The following ATRX variants were observed in gnomAD, a reference collection of about 807,000 sequenced individuals.
The protein encoded by ATRX is chromatin remodeler ATRX.
Under a neutral mutation model 172.6 loss-of-function variants are expected in ATRX, and 12 were observed. The ratio of observed to expected loss-of-function variants is 0.07; its 90% CI spans 0.04 to 0.11. ATRX has a LOEUF of 0.11. ATRX is among the 10% of genes least tolerant of loss of function. ATRX has a pLI of 1.00. For synonymous variants in ATRX, 674 were observed against 594.7 expected (o/e 1.13, Z -1.94); for missense variants, 1,368 against 1,767.4 (o/e 0.77, Z 4.05).
chrX:77,695,439 G>A (rs2072135171), intron 5 of ATRX, among the ~76,000 whole-genome samples: 1 of 111,008 alleles, frequency 9.0e-6, no homozygotes, highest in African/African-American at 3.3e-5. Context: ...ATCATATGCT[G>A]ACTTTCTTCC....
chrX:77,666,859 G>GA (rs1206506784), intron 10 of ATRX, among the ~76,000 whole-genome samples: 1 of 106,177 alleles, frequency 9.4e-6, no homozygotes, highest in Admixed American at 1.0e-4. Context: ...TGTCTCAAAA[G>GA]AAAAAAAAAA....
intron 22 of ATRX, among the ~76,000 whole-genome samples, chrX:77,611,682 C>A (rs2067158685): frequency 9.1e-6 from 1 of 110,430 alleles, no homozygotes; most frequent in East Asian, 2.8e-4. Context: ...CATAGCAAGA[C>A]CCCATCTCTC....
chrX:77,714,199 G>A (rs2073252104), intron 2 of ATRX, among the ~76,000 whole-genome samples: 1 of 110,729 alleles, frequency 9.0e-6, no homozygotes, highest in African/African-American at 3.3e-5. Flanking sequence ...ACCTCTAACC[G>A]ATTATCATAA....
At chrX:77,641,335 T>C (rs1345995135) in intron 15 of ATRX, among the ~76,000 whole-genome samples, 1 of 110,808 alleles carries the variant, frequency 9.0e-6, no homozygotes, top group African/African-American at 3.3e-5. Flanking sequence ...CCCAGCACTT[T>C]GGGAGGCAGA....
intron 27 of ATRX, among the ~76,000 whole-genome samples, chrX:77,583,517 G>A (rs1557075217): frequency 1.8e-5 from 2 of 108,346 alleles, no homozygotes; most frequent in African/African-American, 6.7e-5. Context: ...GAGTGAGACC[G>A]TCTCAAAAAA....
chrX:77,637,221 A>G (rs1337074901), intron 15 of ATRX, among the ~76,000 whole-genome samples: 1 of 112,372 alleles, frequency 8.9e-6, no homozygotes, highest in South Asian at 3.7e-4. Context: ...AGGCTCAAAA[A>G]TCATGATAGG....
At chrX:77,631,710 A>C (rs2068114357) in intron 19 of ATRX, among the ~76,000 whole-genome samples, 1 of 112,222 alleles carries the variant, frequency 8.9e-6, no homozygotes, top group African/African-American at 3.2e-5. Context: ...GACTGATGAG[A>C]TAATGAAAAA....
At chrX:77,528,847 A>T (rs1452622005) in intron 30 of ATRX, among the ~76,000 whole-genome samples, 2 of 112,178 alleles carry the variant, frequency 1.8e-5, no homozygotes, top group African/African-American at 6.5e-5. Flanking sequence ...TCAGAAGGTG[A>T]GTAATAACAA....
chrX:77,512,149 C>T (rs889906322), intron 34 of ATRX, among the ~76,000 whole-genome samples: 3 of 111,784 alleles, frequency 2.7e-5, no homozygotes, highest in Admixed American at 9.4e-5. Context: ...AGAAAACTTA[C>T]AGCCCAGGAG....
At chrX:77,527,138 C>T (rs1207126415) in intron 30 of ATRX, among the ~76,000 whole-genome samples, 1 of 112,057 alleles carries the variant, frequency 8.9e-6, no homozygotes, top group East Asian at 2.8e-4. Context: ...ACTACCAGTA[C>T]CATTTTTTAT....
At chrX:77,608,156 C>T (rs1289154926) in intron 22 of ATRX, among the ~76,000 whole-genome samples, 3 of 109,286 alleles carry the variant, frequency 2.7e-5, no homozygotes, top group Non-Finnish European at 5.7e-5. Flanking sequence ...CCGAGGCAGG[C>T]GGATCATGAG....
At chrX:77,637,970 CA>C (rs1486767528) in intron 15 of ATRX, among the ~76,000 whole-genome samples, 4 of 76,130 alleles carry the variant, frequency 5.3e-5, no homozygotes, top group Non-Finnish European at 8.0e-5. Context: ...CACAAACAAA[CA>C]AAAAAAACTT....
At chrX:77,701,697 G>A (rs1450840318) in intron 2 of ATRX, among the ~76,000 whole-genome samples, 6 of 110,446 alleles carry the variant, frequency 5.4e-5, no homozygotes, top group African/African-American at 2.0e-4. Context: ...TTTGCACTAC[G>A]GATTCTACTC....
At chrX:77,616,587 T>C (rs1172807090) in intron 22 of ATRX, 26 bp downstream of exon 22, 3 of 1,153,062 alleles carry the variant, frequency 2.6e-6, no homozygotes, top group Admixed American at 2.2e-5. Flanking sequence ...ATAGAGAAGA[T>C]GAAATCAACA....
intron 15 of ATRX, among the ~76,000 whole-genome samples, chrX:77,644,397 C>A (rs2068805904): frequency 1.8e-5 from 2 of 111,986 alleles, no homozygotes; most frequent in Admixed American, 1.9e-4. Flanking sequence ...TTTAAAATCC[C>A]AGCAAACCCT....
At chrX:77,564,578 G>T (rs1354324207) in intron 28 of ATRX, among the ~76,000 whole-genome samples, 2 of 109,863 alleles carry the variant, frequency 1.8e-5, no homozygotes, top group Admixed American at 9.7e-5. Context: ...TGGAGATAGG[G>T]TCTCACTATG....
chrX:77,598,933 T>G (rs2066564420), intron 25 of ATRX, among the ~76,000 whole-genome samples: 1 of 112,238 alleles, frequency 8.9e-6, no homozygotes, highest in South Asian at 3.7e-4. Context: ...AAAATTAGTT[T>G]TACTGTATAT....
intron 19 of ATRX, among the ~76,000 whole-genome samples, chrX:77,629,982 G>A (rs1163007443): frequency 1.8e-5 from 2 of 112,296 alleles, no homozygotes; most frequent in East Asian, 5.6e-4. Context: ...GCACACACAC[G>A]CGTGAGCGCA....
At chrX:77,629,958 G>A (rs1217191152) in intron 19 of ATRX, among the ~76,000 whole-genome samples, 2 of 111,986 alleles carry the variant, frequency 1.8e-5, no homozygotes, top group African/African-American at 6.5e-5. Flanking sequence ...AAACTAAATC[G>A]CGTGCGTGCG....
Sources: gnomAD v4.1 joint callset for allele counts (sites outside exome capture counted in the v4.1 genomes callset) on GRCh38, gnomAD v4.1.1 for gene constraint, MANE v1.5 for transcripts, NCBI Gene and HGNC (gene_info 2026-07-23, HGNC 2026-07-21) for gene names.